Variants in HPSE2 observed in about 807,000 individuals in gnomAD.
The protein encoded by HPSE2 is inactive heparanase-2.
Under a neutral mutation model 60.5 loss-of-function variants are expected in HPSE2, and 38 were observed. That is an observed-to-expected ratio of 0.63 (90% CI 0.48 to 0.82). HPSE2 has a LOEUF of 0.82. HPSE2 is among the 40% of genes least tolerant of loss of function. HPSE2 has a pLI of 0.00. For missense variants in HPSE2, 713 were observed against 740.4 expected, an observed-to-expected ratio of 0.96 and a Z score of 0.43; for synonymous variants, 295 against 293.2, an observed-to-expected ratio of 1.01 and a Z score of -0.06.
chr10:99,308,963 C>A, the HPSE2 span, among the ~76,000 whole-genome samples: 1 of 152,080 alleles, frequency 6.6e-6, no homozygotes, highest in Non-Finnish European at 1.5e-5. Flanking sequence ...GAGAAACAGG[C>A]AGATTTGCTT....
At chr10:99,040,429 T>C (rs146720812) in intron 3 of HPSE2, among the ~76,000 whole-genome samples, 2,363 of 152,274 alleles carry the variant, frequency 0.016, 43 homozygotes, top group Non-Finnish European at 0.019. Context: ...TGTATACCAA[T>C]TTATATTCTC....
At chr10:98,995,134 T>C (rs1956615101) in intron 3 of HPSE2, among the ~76,000 whole-genome samples, 1 of 152,180 alleles carries the variant, frequency 6.6e-6, no homozygotes, top group African/African-American at 2.4e-5. Flanking sequence ...TCCCATCTCT[T>C]CTCTGGTGAA....
the HPSE2 span, among the ~76,000 whole-genome samples, chr10:99,299,142 C>G: frequency 6.6e-6 from 1 of 152,134 alleles, no homozygotes; most frequent in Non-Finnish European, 1.5e-5. Flanking sequence ...GAGCCTCCCC[C>G]CTCCCCTAGT....
intron 9 of HPSE2, among the ~76,000 whole-genome samples, chr10:98,579,113 G>T (rs777416109): frequency 6.6e-6 from 1 of 152,090 alleles, no homozygotes; most frequent in Non-Finnish European, 1.5e-5. Flanking sequence ...GATGGAGAAC[G>T]AAGAATGGCA....
At chr10:98,881,265 C>T (rs201120060) in intron 3 of HPSE2, among the ~76,000 whole-genome samples, 20 of 152,152 alleles carry the variant, frequency 1.3e-4, no homozygotes, top group East Asian at 3.9e-4. Flanking sequence ...AGGGATTCCA[C>T]GGCTTCCCTT....
At chr10:99,066,505 G>A (rs1465671679) in intron 3 of HPSE2, among the ~76,000 whole-genome samples, 1 of 152,106 alleles carries the variant, frequency 6.6e-6, no homozygotes, top group Non-Finnish European at 1.5e-5. Flanking sequence ...ACATGGCTGG[G>A]GTGGCCTCAC....
upstream of HPSE2, among the ~76,000 whole-genome samples, chr10:99,239,582 G>A (rs1345817625): frequency 1.3e-5 from 2 of 151,450 alleles, no homozygotes; most frequent in African/African-American, 4.9e-5. Context: ...GGCGCACATC[G>A]CCACGCGCAG....
At chr10:98,673,187 T>C (rs962331972) in intron 6 of HPSE2, among the ~76,000 whole-genome samples, 4 of 152,028 alleles carry the variant, frequency 2.6e-5, no homozygotes, top group African/African-American at 9.7e-5. Flanking sequence ...ACTCACAGAG[T>C]AGGCCCAAAA....
chr10:99,314,060 G>A, the HPSE2 span, among the ~76,000 whole-genome samples: 15 of 152,184 alleles, frequency 9.9e-5, no homozygotes, highest in East Asian at 1.4e-3. Context: ...CCACCACCCC[G>A]TCAGTCAGCA....
At chr10:98,487,956 TTTC>T (rs1169475081) in intron 10 of HPSE2, among the ~76,000 whole-genome samples, 1 of 152,238 alleles carries the variant, frequency 6.6e-6, no homozygotes, top group Non-Finnish European at 1.5e-5. Context: ...CACTGTGGGT[TTTC>T]TTTATGAATC....
chr10:99,161,218 T>TAA (rs79998038), intron 2 of HPSE2, among the ~76,000 whole-genome samples: 9 of 132,820 alleles, frequency 6.8e-5, no homozygotes, highest in East Asian at 4.3e-4. Flanking sequence ...GAGACTCTGT[T>TAA]AAAAAAAAAA....
intron 3 of HPSE2, among the ~76,000 whole-genome samples, chr10:99,050,659 C>T (rs1589577310): frequency 2.6e-5 from 4 of 151,954 alleles, no homozygotes; most frequent in Admixed American, 2.6e-4. Flanking sequence ...GGTATATATA[C>T]ACAATAGAAA....
chr10:99,249,425 C>T, the HPSE2 span, among the ~76,000 whole-genome samples: 1 of 152,246 alleles, frequency 6.6e-6, no homozygotes, highest in Non-Finnish European at 1.5e-5. Flanking sequence ...CCTGCAGCCC[C>T]TCTCTTTGGC....
chr10:99,125,652 G>A (rs892522368), intron 3 of HPSE2, among the ~76,000 whole-genome samples: 12 of 152,226 alleles, frequency 7.9e-5, no homozygotes, highest in Non-Finnish European at 1.2e-4. Context: ...TTCCCAAAGC[G>A]TGAGAGGGGG....
intron 4 of HPSE2, among the ~76,000 whole-genome samples, chr10:98,737,049 T>A (rs146676000): frequency 5.1e-4 from 78 of 152,226 alleles, no homozygotes; most frequent in African/African-American, 1.7e-3. Flanking sequence ...AAAAAGACTA[T>A]ATGGTTTCTT....
intron 2 of HPSE2, among the ~76,000 whole-genome samples, chr10:99,229,508 T>C (rs549915665): frequency 6.6e-5 from 10 of 152,356 alleles, no homozygotes; most frequent in African/African-American, 2.4e-4. Flanking sequence ...TTTCTTATAG[T>C]GTTGTGCAGT....
chr10:98,663,684 T>C (rs1947284273), intron 6 of HPSE2, among the ~76,000 whole-genome samples: 1 of 152,138 alleles, frequency 6.6e-6, no homozygotes, highest in Admixed American at 6.5e-5. Flanking sequence ...CTGTGCAATC[T>C]TGGGAACAGG....
chr10:98,461,500 G>A (rs1940288406), intron 11 of HPSE2, among the ~76,000 whole-genome samples: 1 of 152,238 alleles, frequency 6.6e-6, no homozygotes, highest in African/African-American at 2.4e-5. Context: ...AGTGAAGACA[G>A]CCTACTCATT....
rs903654374 is a variant in HPSE2, at chr10:98,620,657, TCAC to T, written c.1147_1149del (p.Val383del). On this transcript the variant is annotated inframe_deletion, in exon 8 of 12. Transcript: ENST00000370552. ...TTGTTTGTGCCTCCAGCTGAGGTGG[TCAC>T]CACACCTTCAAGCCAAATCTTCTTT... 3 of 1,613,976 alleles carry T rather than the reference TCAC, an allele frequency of 1.9e-6. No homozygotes were observed. The highest frequency in any genetic ancestry group is 2.7e-5 in the African/African-American group (2 of 74,938).
Sources: allele counts gnomAD v4.1 joint callset (sites outside exome capture counted in the v4.1 genomes callset), GRCh38; gene constraint gnomAD v4.1.1; transcripts MANE v1.5; gene names NCBI Gene and HGNC (gene_info 2026-07-23, HGNC 2026-07-21).